Variants in WNK3 observed in about 807,000 individuals in gnomAD.
WNK3 encodes WNK lysine deficient protein kinase 3.
WNK3 carries 18 observed loss-of-function variants against 116.7 expected under a neutral mutation model. That is an observed-to-expected ratio of 0.15 (90% confidence interval 0.11 to 0.23). The LOEUF is 0.23. Among genes scored for constraint, WNK3 ranks in the 10% least tolerant of loss-of-function variants. The pLI is 1.00. For missense variants in WNK3, 993 were observed against 1,323.8 expected (o/e 0.75, Z 3.88); for synonymous variants, 404 against 469.4 (o/e 0.86, Z 1.80).
chrX:54,256,992 A>C (rs1429943010), intron 11 of WNK3, among the ~76,000 whole-genome samples: 5 of 112,203 alleles, frequency 4.5e-5, no homozygotes, highest in Non-Finnish European at 7.5e-5. Flanking sequence ...AAGTACAGCT[A>C]AAAGTTCTAG....
At chrX:54,343,610 G>T (rs1380012872) in intron 1 of WNK3, 1 of 111,127 alleles carries the variant, frequency 9.0e-6, no homozygotes, top group Non-Finnish European at 1.9e-5. Flanking sequence ...CACGGCCCCT[G>T]CACAAGGATG....
Position 54,338,100 on chromosome X carries a change from G to A in WNK3, c.-119-4308C>T, listed in dbSNP as rs141748840. ...AAAACTTTGCCTTCAGGTCCATGGT[G>A]TTGGGAAAATTTTTTTTTAATTTAA... is the stretch of plus-strand genomic sequence containing the variant. On this transcript the variant is annotated intron_variant, in intron 1 of 23. Coordinates refer to ENST00000354646, the Ensembl canonical transcript of WNK3. 8.1e-3 allele frequency among the ~76,000 whole-genome samples: 899 copies of A among 110,755 alleles called. 6 individuals are homozygous for A. Among genetic ancestry groups the A allele is most frequent in the Non-Finnish European group, 0.013 (704 of 52,911 alleles).
intron 1 of WNK3, among the ~76,000 whole-genome samples, chrX:54,346,490 G>A (rs917438432): frequency 2.8e-5 from 3 of 105,892 alleles, no homozygotes; most frequent in South Asian, 4.3e-4. Context: ...TGTAGTCCCC[G>A]CTACTTGAGA....
In WNK3 at chrX:54,271,432, C is replaced by A. The variant is rs1557159321; in HGVS notation, c.2038-12094G>T. Among the ~76,000 whole-genome samples the A allele has an allele frequency of 4.5e-5, 5 of 111,240 alleles. No homozygotes were observed. In the South Asian group the frequency reaches 1.8e-3, roughly 41 times the overall value. On this transcript the variant is annotated intron_variant, in intron 10 of 23. Coordinates refer to ENST00000354646, the Ensembl canonical transcript of WNK3. ...TATCCAAAGAATCAGAAATTTCAAA[C>A]CCAAGTAACTTTGAAAAATTACACA...
In WNK3 at chrX:54,219,928, C is replaced by T. The variant is rs188336378; in HGVS notation, c.4870+8786G>A. Among the ~76,000 whole-genome samples the T allele has an allele frequency of 3.1e-4, 34 of 111,475 alleles. 1 individual carries two copies. The highest frequency in any genetic ancestry group is 2.9e-3 in the Admixed American group (30 of 10,389). ...CACTGTCTTTTGGGAGCCAACTGTT[C>T]AGTTGTGAGAGTTCAAAGGTGGATA... is the stretch of plus-strand genomic sequence containing the variant. On this transcript the variant is annotated intron_variant, in intron 22 of 23. Coordinates refer to ENST00000354646, the Ensembl canonical transcript of WNK3.
rs1359044630 is a variant in WNK3 at position 54,213,562 on chromosome X, AAACAAAC to A, written c.4871-11376_4871-11370del. Among the ~76,000 whole-genome samples, 282 of 97,967 alleles carry A rather than the reference AAACAAAC, an allele frequency of 2.9e-3. 48 individuals are homozygous for A. Among genetic ancestry groups the A allele is most frequent in the African/African-American group, 0.012 (260 of 21,993 alleles). 85.1% of individuals were successfully genotyped at this position (97,967 alleles called of 115,157 possible). ...GAGTGAGACTCCGTCTCAAAAAAAA[AAACAAAC>A]AAAAAAAAAAAAACTAGGGGAAAAA... On this transcript the variant is annotated intron_variant, in intron 22 of 23. Transcript: ENST00000354646.
At chrX:54,254,252 G>C (rs2068166978) in intron 12 of WNK3, among the ~76,000 whole-genome samples, 177 bp from the exon 13 acceptor site, 1 of 111,997 alleles carries the variant, frequency 8.9e-6, no homozygotes, top group Non-Finnish European at 1.9e-5. Context: ...TAAACTAACA[G>C]GTTCAAGTTA....
chrX:54,276,351 AC>A (rs2068447380), intron 10 of WNK3, among the ~76,000 whole-genome samples: 1 of 108,080 alleles, frequency 9.3e-6, no homozygotes, highest in African/African-American at 3.5e-5. Flanking sequence ...AAACAAACAA[AC>A]AAAAAAAAAC....
intron 10 of WNK3, among the ~76,000 whole-genome samples, chrX:54,266,887 C>T (rs1481384446): frequency 2.7e-5 from 3 of 110,236 alleles, no homozygotes; most frequent in Admixed American, 9.8e-5. Flanking sequence ...TGCTCTCCCT[C>T]CCCTTTCCCC....
At chrX:54,222,477 T>G (rs2067774860) in intron 22 of WNK3, among the ~76,000 whole-genome samples, 1 of 108,155 alleles carries the variant, frequency 9.2e-6, no homozygotes, top group Non-Finnish European at 1.9e-5. Context: ...GAGGATAACT[T>G]GAGCCCGGGA....
exon 8 of WNK3, chrX:54,294,567 C>T: frequency 8.5e-7 from 1 of 1,176,365 alleles, no homozygotes; most frequent in South Asian, 2.0e-5. Flanking sequence ...AACAGAGGAG[C>T]AGTGCTGCTG....
At chrX:54,345,643 G>T (rs782060614) in intron 1 of WNK3, among the ~76,000 whole-genome samples, 2 of 108,848 alleles carry the variant, frequency 1.8e-5, no homozygotes, top group Non-Finnish European at 3.8e-5. Context: ...AAAATTAGCC[G>T]GACATGGTGG....
At chrX:54,326,177 G>A (rs138817759) in intron 2 of WNK3, among the ~76,000 whole-genome samples, 2,413 of 106,268 alleles carry the variant, frequency 0.023, 64 homozygotes, top group African/African-American at 0.077. Context: ...TGTAAGCTCC[G>A]CCTCCTGGGT....
intron 17 of WNK3, 35 bp from the exon 18 acceptor site, chrX:54,239,134 A>G: frequency 1.1e-6 from 1 of 902,803 alleles, no homozygotes; most frequent in Non-Finnish European, 1.5e-6. Context: ...ACAAAACAAA[A>G]CAAAACAAAA....
chrX:54,247,550 T>C (rs1219738148), intron 17 of WNK3, among the ~76,000 whole-genome samples: 1 of 110,251 alleles, frequency 9.1e-6, no homozygotes, highest in Non-Finnish European at 1.9e-5. Flanking sequence ...AAAAAGTATG[T>C]CTTTATAAAT....
At chrX:54,283,048 G>A (rs1557162974) in intron 10 of WNK3, among the ~76,000 whole-genome samples, 1 of 112,102 alleles carries the variant, frequency 8.9e-6, no homozygotes, top group East Asian at 2.8e-4. Flanking sequence ...CAGAATGGGA[G>A]AAAATATTTT....
intron 22 of WNK3, among the ~76,000 whole-genome samples, chrX:54,226,365 G>A (rs1184937586): frequency 9.4e-6 from 1 of 106,336 alleles, no homozygotes; most frequent in African/African-American, 3.4e-5. Context: ...AGCTACTTAG[G>A]AGGCTGAGGC....
chrX:54,299,060 C>T (rs2068728612), intron 6 of WNK3, among the ~76,000 whole-genome samples: 1 of 111,868 alleles, frequency 8.9e-6, no homozygotes, highest in African/African-American at 3.2e-5. Flanking sequence ...GATTAACCAT[C>T]TCTGAAGAGA....
chrX:54,206,216 T>C (rs1167461236), intron 22 of WNK3, among the ~76,000 whole-genome samples: 9 of 109,985 alleles, frequency 8.2e-5, no homozygotes, highest in African/African-American at 2.3e-4. Context: ...CTGGGCAACA[T>C]AGGAGGATCT....
Sources: allele counts gnomAD v4.1 joint callset (sites outside exome capture counted in the v4.1 genomes callset), GRCh38; gene constraint gnomAD v4.1.1; transcripts MANE v1.5; gene names NCBI Gene and HGNC (gene_info 2026-07-23, HGNC 2026-07-21).